Variants in DHX37 observed in about 807,000 individuals in gnomAD.
DHX37 encodes the protein DEAH-box helicase 37.
A neutral mutation model predicts 134.3 loss-of-function variants in DHX37; 52 were observed. That is an observed-to-expected ratio of 0.39 (90% CI 0.31 to 0.49). The LOEUF (loss-of-function observed/expected upper bound fraction) is 0.49, where lower values mean the gene tolerates loss of function less well. Ranked by LOEUF, DHX37 falls within the 20% of genes least tolerant of loss-of-function variation. DHX37 has a pLI of 0.93. For synonymous variants in DHX37, 634 were observed against 670.7 expected (o/e 0.95, Z 0.85); for missense variants, 1,344 against 1,580.8 (o/e 0.85, Z 2.54).
rs1212804180 is a variant in DHX37, at chr12:124,986,224, C to T, written c.148G>A (p.Val50Ile). 10 of 1,613,988 alleles carry T rather than the reference C, an allele frequency of 6.2e-6. No homozygotes were observed. In the East Asian group the frequency reaches 1.6e-4, roughly 25 times the overall value. Residue 50 changes from valine to isoleucine, a missense_variant, in exon 2 of 27, where the codon GTT becomes ATT. By Grantham distance (29) the Val-to-Ile change is conservative. Transcript: ENST00000308736. Reference protein sequence around the residue: ...LKGVDASNALVLPGKKKKKTK... With the variant: ...LKGVDASNALILPGKKKKKTK... Reference sequence around the variant, plus strand: ...TTCTTTTTCTTCTTCCCCGGTAGAACGAGCGCGTTGCTTGCATCAACTCCC... The same window carrying T: ...TTCTTTTTCTTCTTCCCCGGTAGAATGAGCGCGTTGCTTGCATCAACTCCC...
intron 15 of DHX37, among the ~76,000 whole-genome samples, chr12:124,964,065 C>T (rs1954326950): frequency 6.6e-6 from 1 of 151,468 alleles, no homozygotes. Flanking sequence ...CGTGGTGGCG[C>T]ACACCAGTAA....
chr12:124,978,570 G>C (rs1485415531), intron 4 of DHX37, among the ~76,000 whole-genome samples: 1 of 150,600 alleles, frequency 6.6e-6, no homozygotes, highest in African/African-American at 2.4e-5. Flanking sequence ...CACCCGCCTC[G>C]GCCTCCCAAA....
chr12:124,947,036 C>G lies in DHX37; in HGVS notation c.*766G>C, dbSNP rs12330. ...GCTGGGGGACCTACCCCACCCTCCCCCTCCCACCTCAGCCACAGAGGAACA... is the reference window on the plus strand; with the variant it reads ...GCTGGGGGACCTACCCCACCCTCCCGCTCCCACCTCAGCCACAGAGGAACA... On this transcript the variant is annotated 3_prime_UTR_variant, in exon 27 of 27. Coordinates refer to ENST00000308736, the MANE Select transcript of DHX37 (RefSeq NM_032656.4). 0.2 allele frequency: 29,726 copies of G among 152,112 alleles called. 3,777 individuals are homozygous for G. Among genetic ancestry groups the G allele is most frequent in the African/African-American group, 0.36 (15,078 of 41,424 alleles). 9.4% of individuals were successfully genotyped at this position (152,112 alleles called of 1,614,324 possible). A position where few individuals can be genotyped will look rare whatever the true frequency, so the allele number is the denominator to read the frequency against.
rs565752928 is a variant in DHX37, at chr12:124,961,360, C to T, written c.2046-937G>A. Among the ~76,000 whole-genome samples the T allele has an allele frequency of 2.0e-5, 3 of 152,024 alleles. No homozygotes were observed. The East Asian group carries it at 5.8e-4, about 29-fold the overall frequency. ...CACACACACACACAATTACAGCACA[C>T]GGATTAGGAGAAAATATTTGTCAAT... is the stretch of plus-strand genomic sequence containing the variant. On this transcript the variant is annotated intron_variant, in intron 15 of 26. Transcript: ENST00000308736.
intron 10 of DHX37, 68 bp downstream of exon 10, chr12:124,968,466 C>A: frequency 6.3e-7 from 1 of 1,588,136 alleles, no homozygotes; most frequent in Non-Finnish European, 8.5e-7. Flanking sequence ...TGGGCCCTCC[C>A]ACACTCGTGC....
intron 23 of DHX37, 55 bp from the exon 24 acceptor site, chr12:124,950,298 C>T (rs1186611955): frequency 6.2e-7 from 1 of 1,608,268 alleles, no homozygotes; most frequent in Non-Finnish European, 8.5e-7. Flanking sequence ...CCTCCCGAGT[C>T]CCATCCCTGC....
At chr12:124,973,359 G>A (rs1336597761) in intron 6 of DHX37, among the ~76,000 whole-genome samples, 1 of 151,596 alleles carries the variant, frequency 6.6e-6, no homozygotes, top group Non-Finnish European at 1.5e-5. Context: ...AGCCAAGATC[G>A]CACCACTGAA....
Position 124,986,219 on chromosome 12 carries a change from T to C in DHX37, c.153A>G (p.Leu51=). The C allele has an allele frequency of 6.2e-7, 1 of 1,614,124 alleles. No homozygotes were observed. The highest frequency in any genetic ancestry group is 8.5e-7 in the Non-Finnish European group (1 of 1,180,014). The change falls in exon 2 of 27, where the codon CTA becomes CTG. Residue 51 remains leucine, a synonymous_variant. Transcript: ENST00000308736. ...TGGTCTTCTTTTTCTTCTTCCCCGG[T>C]AGAACGAGCGCGTTGCTTGCATCAA... ...KGVDASNALV[L]PGKKKKKTKA...
At chr12:124,976,611 C>T (rs990570660) in intron 5 of DHX37, among the ~76,000 whole-genome samples, 43 of 152,050 alleles carry the variant, frequency 2.8e-4, no homozygotes, top group Non-Finnish European at 5.4e-4. Context: ...AGGCGGATCA[C>T]GAGGTCAGGA....
chr12:124,985,580 C>A (rs940249262), intron 2 of DHX37, among the ~76,000 whole-genome samples: 82 of 115,838 alleles, frequency 7.1e-4, no homozygotes, highest in East Asian at 9.9e-4. Flanking sequence ...ACTAAAAATA[C>A]AAAAAAAAAA....
chr12:124,989,054 C>T lies in DHX37; in HGVS notation c.-32G>A. The T allele has an allele frequency of 7.6e-7, 1 of 1,312,326 alleles. No homozygotes were observed. Among genetic ancestry groups the T allele is most frequent in the South Asian group, 2.4e-5 (1 of 41,854 alleles). The allele number at this position is 1,312,326 out of a possible 1,614,324, so 81.3% of individuals were successfully genotyped here. A position where few individuals can be genotyped will look rare whatever the true frequency, so the allele number is the denominator to read the frequency against. On this transcript the variant is annotated 5_prime_UTR_variant, in exon 1 of 27. Transcript: ENST00000308736. ...TAGGCCAGGGTGGGCGCTCCAGCGG[C>T]CGGACCAGCAGAGCAATCCGAAACC... is the stretch of plus-strand genomic sequence containing the variant.
intron 15 of DHX37, among the ~76,000 whole-genome samples, chr12:124,961,188 G>GCACA (rs144846639): frequency 2.4e-4 from 25 of 103,646 alleles, no homozygotes; most frequent in Admixed American, 1.3e-3. Context: ...ATGCGCGCAC[G>GCACA]CACACACACA....
chr12:124,957,245 C>G (rs945856798), intron 16 of DHX37, 110 bp from the exon 17 acceptor site: 5 of 1,043,950 alleles, frequency 4.8e-6, no homozygotes, highest in Non-Finnish European at 6.5e-6. Flanking sequence ...CCGGGCTCAG[C>G]TCATGCCAGT....
intron 3 of DHX37, among the ~76,000 whole-genome samples, chr12:124,981,235 C>G (rs1954752916): frequency 6.7e-6 from 1 of 150,266 alleles, no homozygotes; most frequent in African/African-American, 2.4e-5. Flanking sequence ...CAGGGCCTAG[C>G]AGAGAGCCTG....
intron 15 of DHX37, among the ~76,000 whole-genome samples, chr12:124,962,308 G>A (rs1954281445): frequency 6.6e-6 from 1 of 152,232 alleles, no homozygotes; most frequent in South Asian, 2.1e-4. Flanking sequence ...GGGAGGCTGA[G>A]GCAGGTGTTC....
intron 15 of DHX37, among the ~76,000 whole-genome samples, chr12:124,961,522 A>T (rs58689609): frequency 2.6e-5 from 4 of 152,052 alleles, no homozygotes; most frequent in South Asian, 4.1e-4. Flanking sequence ...TCTGCCTCCC[A>T]GGTTCAAGTG....
At chr12:124,968,043 G>A (rs1954430318) in intron 10 of DHX37, among the ~76,000 whole-genome samples, 1 of 151,012 alleles carries the variant, frequency 6.6e-6, no homozygotes, top group African/African-American at 2.4e-5. Flanking sequence ...ATCTGCCACT[G>A]CACTCCAGCC....
chr12:124,977,298 G>T (rs1164199316), intron 5 of DHX37, 44 bp downstream of exon 5: 1 of 1,477,774 alleles, frequency 6.8e-7, no homozygotes, highest in African/African-American at 1.4e-5. Context: ...GGCATCTCCA[G>T]TGTCACTGAG....
In DHX37 at chr12:124,980,351, C is replaced by G. The variant is rs566378953; in HGVS notation, c.738+139G>C. 6.1e-6 allele frequency: 6 copies of G among 986,680 alleles called. No homozygotes were observed. In the East Asian group the frequency reaches 1.7e-4, roughly 28 times the overall value. 61.1% of individuals were successfully genotyped at this position (986,680 alleles called of 1,614,324 possible). A position where few individuals can be genotyped will look rare whatever the true frequency, so the allele number is the denominator to read the frequency against. On this transcript the variant is annotated intron_variant, in intron 4 of 26. Transcript: ENST00000308736. The surrounding 1 kb of genome is among the most constrained non-coding windows in gnomAD (Gnocchi z 5.3). ...ATCCCTGCCACAGCCTCAAGGGAGG[C>G]GCAGTCACTCTCCCCTTTCCCAGAT...
Sources: allele counts gnomAD v4.1 joint callset (sites outside exome capture counted in the v4.1 genomes callset), GRCh38; gene constraint gnomAD v4.1.1; non-coding constraint Gnocchi (gnomAD v3.1); transcripts MANE v1.5; gene names NCBI Gene and HGNC (gene_info 2026-07-23, HGNC 2026-07-21).